KIAA1217: variants seen among roughly 807,000 people sequenced by gnomAD.
KIAA1217 encodes the protein sickle tail protein homolog.
A neutral mutation model predicts 163.9 loss-of-function variants in KIAA1217; 88 were observed. The observed-to-expected ratio is 0.54, with a 90% CI of 0.45 to 0.64. The LOEUF (loss-of-function observed/expected upper bound fraction) is 0.64. Ranked by LOEUF, KIAA1217 falls within the 30% of genes least tolerant of loss-of-function variation. The pLI is 0.00. For missense variants in KIAA1217, 2,372 were observed against 2,475.0 expected, an observed-to-expected ratio of 0.96 and a Z score of 0.88; for synonymous variants, 903 against 923.1, an observed-to-expected ratio of 0.98 and a Z score of 0.39.
chr10:24,332,343 C>A (rs1276419870), intron 2 of KIAA1217, among the ~76,000 whole-genome samples: 1 of 152,130 alleles, frequency 6.6e-6, no homozygotes, highest in African/African-American at 2.4e-5. Context: ...GAATATAGAA[C>A]TAGAAAAGGT....
intron 2 of KIAA1217, among the ~76,000 whole-genome samples, chr10:24,321,575 A>G (rs1275877800): frequency 2.0e-5 from 3 of 152,170 alleles, no homozygotes; most frequent in Non-Finnish European, 4.4e-5. Flanking sequence ...ACAACCCAGG[A>G]AGAATGGATA....
intron 1 of KIAA1217, among the ~76,000 whole-genome samples, chr10:23,922,024 G>A (rs549308742): frequency 2.0e-4 from 30 of 152,060 alleles, no homozygotes; most frequent in Non-Finnish European, 3.5e-4. Context: ...CATGTGATGA[G>A]AGTGTCAGAA....
intron 17 of KIAA1217, among the ~76,000 whole-genome samples, chr10:24,539,579 C>T (rs1203106714): frequency 6.6e-6 from 1 of 152,176 alleles, no homozygotes; most frequent in East Asian, 1.9e-4. Context: ...ATTAGAAATC[C>T]ATATCCCATT....
Position 24,545,010 on chromosome 10 carries a change from G to A in KIAA1217, c.5241G>A (p.Arg1747=), listed in dbSNP as rs754329460. 3 of 1,614,028 alleles carry A rather than the reference G, an allele frequency of 1.9e-6. No homozygotes were observed. In the South Asian group the frequency reaches 3.3e-5, roughly 18 times the overall value. The change falls in exon 20 of 21, where the codon AGG becomes AGA. Residue 1747 remains arginine, a synonymous_variant. Coordinates refer to ENST00000376454, the MANE Select transcript of KIAA1217 (RefSeq NM_019590.5). ...KGSSGAPQTS[R]MPVPMSAKNR... is the part of the protein sequence containing the mutation. ...CCAGCGGGGCCCCACAGACGAGCAG[G>A]ATGCCTGTCCCCATGAGTGCCAAGA...
chr10:24,373,800 T>C (rs1018627948), intron 2 of KIAA1217, among the ~76,000 whole-genome samples: 7 of 152,170 alleles, frequency 4.6e-5, no homozygotes, highest in Non-Finnish European at 7.4e-5. Flanking sequence ...CTCACTTCGC[T>C]CCACACAGAG....
intron 2 of KIAA1217, chr10:24,042,144 G>GTCCAGCTGCACTTCATA (rs1397485520): frequency 2.0e-5 from 3 of 152,086 alleles, no homozygotes; most frequent in African/African-American, 7.2e-5. Flanking sequence ...AGCACTTTCC[G>GTCCAGCTGCACTTCATA]TCCAGCTGCA....
At chr10:23,736,819 C>A (rs1838834198) in intron 1 of KIAA1217, among the ~76,000 whole-genome samples, 1 of 152,156 alleles carries the variant, frequency 6.6e-6, no homozygotes, top group South Asian at 2.1e-4. Context: ...GGCCACCGCA[C>A]CCGGCCTATA....
rs374005670 is a variant in KIAA1217, at chr10:23,775,110, G to A, written c.-321+79876G>A. On this transcript the variant is annotated intron_variant, in intron 1 of 18. Coordinates refer to the KIAA1217 transcript ENST00000376462. ...GATCAGATGCATTTTTATAAAGACA[G>A]CCTCAGGCAGTGAGTCCATTAAAAG... Among the ~76,000 whole-genome samples the A allele has an allele frequency of 1.6e-4, 25 of 152,230 alleles. No homozygotes were observed. In the East Asian group the frequency reaches 1.7e-3, roughly 11 times the overall value.
chr10:24,019,663 T>C (rs1426970338), intron 2 of KIAA1217, among the ~76,000 whole-genome samples: 2 of 151,952 alleles, frequency 1.3e-5, no homozygotes, highest in African/African-American at 2.4e-5. Flanking sequence ...GTAATGTAAA[T>C]AAATGAGCCC....
intron 2 of KIAA1217, among the ~76,000 whole-genome samples, chr10:24,239,904 C>G: frequency 6.6e-6 from 1 of 151,924 alleles, no homozygotes; most frequent in East Asian, 1.9e-4. Flanking sequence ...TTTTCCCAGA[C>G]TAGAAAAAAA....
chr10:23,817,998 T>TATACACAC (rs1554802014), intron 1 of KIAA1217, among the ~76,000 whole-genome samples: 25 of 103,724 alleles, frequency 2.4e-4, no homozygotes, highest in African/African-American at 9.3e-4. Context: ...TATATATATA[T>TATACACAC]ATATATATAT....
intron 2 of KIAA1217, among the ~76,000 whole-genome samples, chr10:24,323,860 G>A (rs544737725): frequency 7.5e-5 from 11 of 147,026 alleles, no homozygotes; most frequent in South Asian, 2.2e-4. Context: ...GTTTTTTTTC[G>A]TATTTCTTCT....
chr10:23,873,496 T>C (rs1840554138), intron 1 of KIAA1217, among the ~76,000 whole-genome samples: 2 of 152,038 alleles, frequency 1.3e-5, no homozygotes, highest in Admixed American at 1.3e-4. Context: ...TTAGGTAATT[T>C]ACTCCCAATT....
intron 1 of KIAA1217, among the ~76,000 whole-genome samples, chr10:23,905,896 A>G (rs1039234099): frequency 5.3e-5 from 8 of 152,152 alleles, no homozygotes; most frequent in Non-Finnish European, 1.0e-4. Flanking sequence ...CCTGAGAAAT[A>G]GCCTGAGACA....
intron 2 of KIAA1217, among the ~76,000 whole-genome samples, chr10:24,335,477 T>TA (rs2046225791): frequency 6.6e-6 from 1 of 151,250 alleles, no homozygotes; most frequent in African/African-American, 2.4e-5. Context: ...GGAGTTTTAT[T>TA]ATGGGATGAA....
chr10:24,425,499 A>G (rs2059105001), intron 3 of KIAA1217, among the ~76,000 whole-genome samples: 1 of 152,246 alleles, frequency 6.6e-6, no homozygotes, highest in African/African-American at 2.4e-5. Context: ...ATTTGTATAA[A>G]TCTAGTTCCT....
chr10:23,873,500 C>G (rs760679999), intron 1 of KIAA1217, among the ~76,000 whole-genome samples: 1 of 151,972 alleles, frequency 6.6e-6, no homozygotes, highest in Non-Finnish European at 1.5e-5. Context: ...GTAATTTACT[C>G]CCAATTTTAA....
intron 2 of KIAA1217, among the ~76,000 whole-genome samples, chr10:24,379,612 T>C (rs1437461022): frequency 1.3e-5 from 2 of 152,166 alleles, no homozygotes; most frequent in Non-Finnish European, 2.9e-5. Flanking sequence ...GGGGTCGTCT[T>C]GTACTTTTAG....
At chr10:24,421,369 A>G (rs2058720768) in intron 3 of KIAA1217, among the ~76,000 whole-genome samples, 1 of 152,176 alleles carries the variant, frequency 6.6e-6, no homozygotes, top group Non-Finnish European at 1.5e-5. Context: ...GTTGCTGTCA[A>G]TCCTATATAT....
Sources: allele counts gnomAD v4.1 joint callset (sites outside exome capture counted in the v4.1 genomes callset), GRCh38; gene constraint gnomAD v4.1.1; transcripts MANE v1.5; gene names NCBI Gene and HGNC (gene_info 2026-07-23, HGNC 2026-07-21).